The following ADAMTSL1 variants were observed in gnomAD, a reference collection of about 807,000 sequenced individuals.
The protein encoded by ADAMTSL1 is ADAMTS like 1.
Under a neutral mutation model 201.8 loss-of-function variants are expected in ADAMTSL1, and 126 were observed. That is an observed-to-expected ratio of 0.62 (90% CI 0.54 to 0.72). The LOEUF (loss-of-function observed/expected upper bound fraction) is 0.72, where lower values mean the gene tolerates loss of function less well. ADAMTSL1 is among the 30% of genes least tolerant of loss of function. The pLI is 0.00. For missense variants in ADAMTSL1, 2,679 were observed against 2,277.8 expected, an observed-to-expected ratio of 1.18 and a Z score of -3.59; for synonymous variants, 1,121 against 903.4, an observed-to-expected ratio of 1.24 and a Z score of -4.32.
chr9:18,150,136 A>AT lies in ADAMTSL1; in HGVS notation c.88-13723dup, dbSNP rs1422735253. 2.6e-5 allele frequency among the ~76,000 whole-genome samples: 4 copies of AT among 152,210 alleles called. No individual in the cohort carries two copies. In the East Asian group the frequency reaches 5.8e-4, roughly 22 times the overall value. On this transcript the variant is annotated intron_variant, in intron 1 of 29. Transcript: ENST00000680146. ...TGGAATTTGAAATAAAGGTACATATATTTGAAAGTTGTCATTGTATCAGTG... is the reference window on the plus strand; with the variant it reads ...TGGAATTTGAAATAAAGGTACATATATTTTGAAAGTTGTCATTGTATCAGTG...
chr9:18,018,335 C>A (rs1268634539), intron 1 of ADAMTSL1, among the ~76,000 whole-genome samples: 2 of 152,074 alleles, frequency 1.3e-5, no homozygotes, highest in Non-Finnish European at 2.9e-5. Context: ...AGCAGACAAC[C>A]TTTAAGACTG....
intron 1 of ADAMTSL1, among the ~76,000 whole-genome samples, chr9:17,952,309 C>A (rs1301354568): frequency 1.3e-5 from 2 of 151,994 alleles, no homozygotes; most frequent in Non-Finnish European, 2.9e-5. Context: ...AATTCCTACC[C>A]TGAAATAATA....
At chr9:18,126,046 C>T (rs76144783) in intron 1 of ADAMTSL1, among the ~76,000 whole-genome samples, 2 of 152,190 alleles carry the variant, frequency 1.3e-5, no homozygotes, top group African/African-American at 2.4e-5. Context: ...AACCTCAACA[C>T]CGTCATGGAG....
intron 2 of ADAMTSL1, among the ~76,000 whole-genome samples, chr9:18,525,419 G>A (rs1818974537): frequency 2.0e-5 from 3 of 152,068 alleles, no homozygotes; most frequent in African/African-American, 7.2e-5. Context: ...TTTTTTTGAA[G>A]GGTTTTTTGT....
At chr9:18,152,613 T>C (rs1712848094) in intron 1 of ADAMTSL1, among the ~76,000 whole-genome samples, 1 of 151,938 alleles carries the variant, frequency 6.6e-6, no homozygotes, top group African/African-American at 2.4e-5. Flanking sequence ...GTTAGCATCA[T>C]TCTCAGTTAC....
intron 1 of ADAMTSL1, among the ~76,000 whole-genome samples, chr9:18,099,861 C>T (rs188416536): frequency 2.6e-5 from 4 of 151,938 alleles, no homozygotes; most frequent in South Asian, 2.1e-4. Flanking sequence ...CTCCTGACCT[C>T]GTGATCCGCC....
intron 23 of ADAMTSL1, among the ~76,000 whole-genome samples, chr9:18,882,616 C>T (rs573372350): frequency 6.6e-6 from 1 of 152,210 alleles, no homozygotes; most frequent in Non-Finnish European, 1.5e-5. Flanking sequence ...AGTGCAGTGA[C>T]ACCACCATGG....
At chr9:18,376,829 G>A (rs181501998) in intron 2 of ADAMTSL1, among the ~76,000 whole-genome samples, 1 of 152,152 alleles carries the variant, frequency 6.6e-6, no homozygotes, top group Admixed American at 6.5e-5. Flanking sequence ...TAATGTTGAT[G>A]TTTGTTCAGA....
intron 2 of ADAMTSL1, among the ~76,000 whole-genome samples, chr9:18,380,209 A>T (rs1837495851): frequency 6.6e-6 from 1 of 152,082 alleles, no homozygotes; most frequent in African/African-American, 2.4e-5. Context: ...TTATATTGTC[A>T]CTGTAAGACT....
chr9:17,966,155 A>C (rs1817970811), intron 1 of ADAMTSL1, among the ~76,000 whole-genome samples: 1 of 152,090 alleles, frequency 6.6e-6, no homozygotes, highest in Non-Finnish European at 1.5e-5. Context: ...GGTCTGGGAA[A>C]CCTTCTGAAT....
At chr9:18,876,301 C>CATGTGTGT (rs1554653508) in intron 23 of ADAMTSL1, among the ~76,000 whole-genome samples, 1 of 139,630 alleles carries the variant, frequency 7.2e-6, no homozygotes, top group East Asian at 2.1e-4. Flanking sequence ...TGCCTGAATA[C>CATGTGTGT]GTGTGTGTGT....
intron 1 of ADAMTSL1, among the ~76,000 whole-genome samples, chr9:18,501,886 G>A (rs970240454): frequency 3.9e-5 from 6 of 152,198 alleles, no homozygotes; most frequent in African/African-American, 1.4e-4. Flanking sequence ...TAGTTGTGCT[G>A]AAACGTGTAA....
intron 4 of ADAMTSL1, among the ~76,000 whole-genome samples, chr9:18,600,498 T>A (rs904476506): frequency 6.6e-6 from 1 of 152,184 alleles, no homozygotes; most frequent in Non-Finnish European, 1.5e-5. Flanking sequence ...CAACCCTCCC[T>A]GAATTTTAAG....
At chr9:18,187,413 A>G (rs1430874412) in intron 2 of ADAMTSL1, among the ~76,000 whole-genome samples, 2 of 152,200 alleles carry the variant, frequency 1.3e-5, no homozygotes, top group East Asian at 1.9e-4. Context: ...CATTGGGACT[A>G]TTCAGTCTTT....
intron 20 of ADAMTSL1, among the ~76,000 whole-genome samples, chr9:18,797,875 A>C (rs942570666): frequency 6.6e-6 from 1 of 152,186 alleles, no homozygotes; most frequent in African/African-American, 2.4e-5. Flanking sequence ...AGAGTGAAAC[A>C]ACCTGAAAAC....
At chr9:18,518,973 C>T (rs531998907) in intron 2 of ADAMTSL1, among the ~76,000 whole-genome samples, 14 of 152,154 alleles carry the variant, frequency 9.2e-5, no homozygotes, top group Admixed American at 3.3e-4. Context: ...TGTCCTAGAA[C>T]TTTAAAATGC....
At chr9:18,180,588 G>C (rs1488550054) in intron 2 of ADAMTSL1, among the ~76,000 whole-genome samples, 5 of 149,142 alleles carry the variant, frequency 3.4e-5, no homozygotes, top group Non-Finnish European at 3.0e-5. Flanking sequence ...GGGATGTGAA[G>C]GACCTCTTCA....
chr9:18,415,171 C>T (rs563194413), intron 2 of ADAMTSL1, among the ~76,000 whole-genome samples: 2 of 152,188 alleles, frequency 1.3e-5, no homozygotes, highest in African/African-American at 2.4e-5. Context: ...GGCAGCCAAT[C>T]GAAACTTAGC....
Position 18,442,276 on chromosome 9 carries a change from C to G in ADAMTSL1, c.208-62553C>G, listed in dbSNP as rs188673903. 8.5e-3 allele frequency among the ~76,000 whole-genome samples: 1,292 copies of G among 152,268 alleles called. 15 individuals are homozygous for G. The highest frequency in any genetic ancestry group is 0.024 in the Middle Eastern group (7 of 292). On this transcript the variant is annotated intron_variant, in intron 2 of 29. Coordinates refer to the ADAMTSL1 transcript ENST00000680146. ...ATATTTTTATCTACATAGCAGACTC[C>G]AATCTTCTATTTTCCTGTAGTGAGA...
Sources: gnomAD v4.1 joint callset for allele counts (sites outside exome capture counted in the v4.1 genomes callset) on GRCh38, gnomAD v4.1.1 for gene constraint, MANE v1.5 for transcripts, NCBI Gene and HGNC (gene_info 2026-07-23, HGNC 2026-07-21) for gene names.